The following CUBN variants were observed in gnomAD, a reference collection of about 807,000 sequenced individuals.
CUBN encodes 460 kDa receptor.
Under a neutral mutation model 405.3 loss-of-function variants are expected in CUBN, and 282 were observed. The observed-to-expected ratio is 0.70, with a 90% CI of 0.63 to 0.77. The LOEUF (loss-of-function observed/expected upper bound fraction) is 0.77. CUBN is among the 30% of genes least tolerant of loss of function. The pLI, the probability that CUBN is intolerant of heterozygous loss-of-function variation, is 0.00. For synonymous variants in CUBN, 1,684 were observed against 1,617.0 expected (o/e 1.04, Z -0.99); for missense variants, 4,514 against 4,475.2 (o/e 1.01, Z -0.25).
At chr10:17,032,134 G>A (rs1834800648) in intron 27 of CUBN, among the ~76,000 whole-genome samples, 1 of 152,184 alleles carries the variant, frequency 6.6e-6, no homozygotes, top group African/African-American at 2.4e-5. Context: ...GCATTTGCAA[G>A]AGATGGAGGT....
Position 16,904,026 on chromosome 10 carries a change from G to A in CUBN, c.8002C>T (p.His2668Tyr). The change falls in exon 51 of 67, where the codon CAC (histidine) becomes TAC (tyrosine). Residue 2668 changes from histidine (H) to tyrosine (Y), a missense_variant. Coordinates refer to ENST00000377833, the MANE Select transcript of CUBN (RefSeq NM_001081.4). Reference protein sequence around the residue: ...LVIPYSQVWIHFVTNERVEHI... With the variant: ...LVIPYSQVWIYFVTNERVEHI... ...TCTACACGTTCGTTGGTGACAAAGT[G>A]AATCCATACCTGAGAATAAGGTATA... 1 of 1,613,502 alleles carries A rather than the reference G, an allele frequency of 6.2e-7. No homozygotes were observed. Among genetic ancestry groups the A allele is most frequent in the Non-Finnish European group, 8.5e-7 (1 of 1,179,442 alleles).
At chr10:16,969,418 G>C (rs949448358) in intron 31 of CUBN, among the ~76,000 whole-genome samples, 2 of 151,550 alleles carry the variant, frequency 1.3e-5, no homozygotes, top group Non-Finnish European at 2.9e-5. Flanking sequence ...GCAGTGGCAC[G>C]ATCTCAGCTC....
At chr10:16,935,370 C>T (rs1842470860) in intron 39 of CUBN, among the ~76,000 whole-genome samples, 1 of 151,900 alleles carries the variant, frequency 6.6e-6, no homozygotes, top group Non-Finnish European at 1.5e-5. Context: ...CCAGGCTGGT[C>T]TCAAACTCCT....
At chr10:17,023,283 T>G (rs1721401955) in intron 27 of CUBN, among the ~76,000 whole-genome samples, 1 of 151,436 alleles carries the variant, frequency 6.6e-6, no homozygotes, top group African/African-American at 2.4e-5. Flanking sequence ...GGGGAGAAAA[T>G]TATGCATTAA....
At position 16,954,544 on chromosome 10, in the gene CUBN, T is replaced by C. The variant is rs1371100774; in HGVS notation, c.4700A>G (p.Tyr1567Cys). The C allele has an allele frequency of 6.2e-7, 1 of 1,613,378 alleles. No homozygotes were observed. Among genetic ancestry groups the C allele is most frequent in the Non-Finnish European group, 8.5e-7 (1 of 1,179,982 alleles). ...GGACATTGTGGAGCTTAAGCCATCG[T>C]ATGCCTACAAGAAAGGAGACAGGGC... is the stretch of plus-strand genomic sequence containing the variant. ...LEPQDSCIMA[Y>C]DGLSSTMSRL... is the part of the protein sequence containing the mutation. Residue 1567 changes from tyrosine to cysteine, a missense_variant, in exon 32 of 67, where the codon TAC (tyrosine) becomes TGC (cysteine). Tyr to Cys is a radical substitution (Grantham distance 194, BLOSUM62 -2). Transcript: ENST00000377833.
chr10:16,966,947 C>G (rs1687705), intron 31 of CUBN, among the ~76,000 whole-genome samples: 52,544 of 151,950 alleles, frequency 0.35, 9,269 homozygotes, highest in Middle Eastern at 0.45. Flanking sequence ...TGGCGGTATA[C>G]CTGCTAATGG....
chr10:16,929,573 T>A (rs1163261631), intron 40 of CUBN, among the ~76,000 whole-genome samples: 1 of 152,222 alleles, frequency 6.6e-6, no homozygotes, highest in Non-Finnish European at 1.5e-5. Flanking sequence ...TTATTTTCTA[T>A]TCTTGTGATT....
intron 17 of CUBN, among the ~76,000 whole-genome samples, chr10:17,078,128 T>G (rs1369571650): frequency 3.3e-5 from 5 of 152,132 alleles, no homozygotes; most frequent in African/African-American, 1.2e-4. Flanking sequence ...TGAGCATTCA[T>G]TGTGTGACAG....
intron 27 of CUBN, among the ~76,000 whole-genome samples, chr10:17,028,689 C>A (rs192574622): frequency 3.8e-4 from 56 of 148,446 alleles, no homozygotes; most frequent in Non-Finnish European, 1.5e-4. Flanking sequence ...ACACTGCACT[C>A]AAGCCTGGGC....
In CUBN at chr10:16,910,150, C is replaced by T. The variant is rs1841683920; in HGVS notation, c.7534-2471G>A. Among the ~76,000 whole-genome samples, 24 of 150,676 alleles carry T rather than the reference C, an allele frequency of 1.6e-4. No homozygotes were observed. In the South Asian group the frequency reaches 4.7e-3, roughly 29 times the overall value. ...TCTTCTACTTCTTTTCTTCTTCTCT[C>T]CTTCTCCTTCTTATTGTTCTTCTTT... On this transcript the variant is annotated intron_variant, in intron 48 of 66. Coordinates refer to ENST00000377833, the MANE Select transcript of CUBN (RefSeq NM_001081.4).
intron 25 of CUBN, 128 bp downstream of exon 25, chr10:17,044,878 TG>T (rs1835090223): frequency 3.1e-6 from 3 of 969,776 alleles, no homozygotes; most frequent in South Asian, 2.8e-5. Flanking sequence ...GTTTTTATTT[TG>T]TTTGAATTTT....
chr10:17,116,104 C>T (rs933861812), intron 6 of CUBN, among the ~76,000 whole-genome samples: 2 of 152,212 alleles, frequency 1.3e-5, no homozygotes, highest in Middle Eastern at 3.4e-3. Flanking sequence ...TTACAAAGGG[C>T]AATATGTCTT....
intron 28 of CUBN, among the ~76,000 whole-genome samples, chr10:17,009,727 T>A (rs1415845204): frequency 1.3e-5 from 2 of 152,238 alleles, no homozygotes; most frequent in African/African-American, 4.8e-5. Flanking sequence ...GCATGGGCAC[T>A]TTTTAAAACT....
At position 16,954,664 on chromosome 10, in the gene CUBN, A is replaced by G. The variant is rs554144719; in HGVS notation, c.4696-116T>C. ...GGATAATCACACGTTTGCTGGATCT[A>G]GGGAAACTGGCTTTATTGTCCTTTC... On this transcript the variant is annotated intron_variant, in intron 31 of 66. Transcript: ENST00000377833. The G allele has an allele frequency of 1.9e-5, 22 of 1,139,960 alleles. No homozygotes were observed. In the African/African-American group the frequency reaches 2.3e-4, roughly 12 times the overall value. 70.6% of individuals were successfully genotyped at this position (1,139,960 alleles called of 1,614,324 possible).
intron 31 of CUBN, among the ~76,000 whole-genome samples, chr10:16,969,919 C>T (rs1012589306): frequency 6.6e-5 from 10 of 152,204 alleles, no homozygotes; most frequent in African/African-American, 2.4e-4. Flanking sequence ...ACTGACGTCA[C>T]TGGGCCCTCA....
At chr10:16,929,158 T>C (rs1179029098) in intron 40 of CUBN, among the ~76,000 whole-genome samples, 1 of 152,192 alleles carries the variant, frequency 6.6e-6, no homozygotes, top group Non-Finnish European at 1.5e-5. Flanking sequence ...TGCTTTTGTT[T>C]GTTTTGGTAT....
intron 58 of CUBN, among the ~76,000 whole-genome samples, 189 bp downstream of exon 58, chr10:16,874,185 C>G (rs1176257827): frequency 2.6e-5 from 4 of 152,152 alleles, no homozygotes; most frequent in Non-Finnish European, 5.9e-5. Context: ...CCCTTAGTTA[C>G]TACCGGCTTG....
At chr10:17,072,600 A>G (rs1428479719) in intron 17 of CUBN, among the ~76,000 whole-genome samples, 2 of 152,160 alleles carry the variant, frequency 1.3e-5, no homozygotes, top group Non-Finnish European at 2.9e-5. Flanking sequence ...GAGGAAGAAT[A>G]CAGTAAAAAG....
At chr10:16,934,939 C>T (rs1365690255) in intron 39 of CUBN, among the ~76,000 whole-genome samples, 7 of 152,124 alleles carry the variant, frequency 4.6e-5, no homozygotes, top group South Asian at 2.1e-4. Context: ...TGTTTGTTAC[C>T]GCCATATGGC....
Sources: allele counts gnomAD v4.1 joint callset (sites outside exome capture counted in the v4.1 genomes callset), GRCh38; gene constraint gnomAD v4.1.1; transcripts MANE v1.5; gene names NCBI Gene and HGNC (gene_info 2026-07-23, HGNC 2026-07-21).